The following ZFP91 variants were observed in gnomAD, a reference collection of about 807,000 sequenced individuals.
The protein encoded by ZFP91 is E3 ubiquitin-protein ligase ZFP91.
A neutral mutation model predicts 63.5 loss-of-function variants in ZFP91; 7 were observed. That is an observed-to-expected ratio of 0.11 (90% CI 0.06 to 0.21). The LOEUF is 0.21. Among genes scored for constraint, ZFP91 ranks in the 10% least tolerant of loss-of-function variants. The pLI is 1.00. For missense variants in ZFP91, 628 were observed against 736.6 expected (o/e 0.85, Z 1.71); for synonymous variants, 330 against 272.1 (o/e 1.21, Z -2.10).
chr11:58,586,966 A>G lies in ZFP91; in HGVS notation c.370+2082A>G, dbSNP rs374108637. Among the ~76,000 whole-genome samples the G allele has an allele frequency of 2.0e-4, 31 of 152,292 alleles. No individual in the cohort carries two copies. In the East Asian group the frequency reaches 3.7e-3, roughly 18 times the overall value. ...GTTTTTACTCTTATTTACTCAAACC[A>G]TCTAGAAATTGTATGCCTTCTTTGA... is the stretch of plus-strand genomic sequence containing the variant. On this transcript the variant is annotated intron_variant, in intron 2 of 10. Transcript: ENST00000316059.
intron 1 of ZFP91, among the ~76,000 whole-genome samples, chr11:58,581,448 C>T (rs1855114558): frequency 6.6e-6 from 1 of 152,194 alleles, no homozygotes; most frequent in African/African-American, 2.4e-5. Flanking sequence ...GCAACCTCCG[C>T]CTCCTGGCTT....
chr11:58,614,632 C>G (rs995828703), intron 9 of ZFP91, among the ~76,000 whole-genome samples: 1 of 152,054 alleles, frequency 6.6e-6, no homozygotes, highest in Admixed American at 6.6e-5. Context: ...TATATTATTG[C>G]TAATTAGTCT....
At chr11:58,594,435 A>G (rs1350424355) in intron 2 of ZFP91, among the ~76,000 whole-genome samples, 4 of 152,202 alleles carry the variant, frequency 2.6e-5, no homozygotes, top group Non-Finnish European at 5.9e-5. Flanking sequence ...TTTCAGAGAA[A>G]CCATCCTTTC....
chr11:58,612,897 C>T (rs375153605), intron 8 of ZFP91, 57 bp downstream of exon 8: 76 of 1,429,086 alleles, frequency 5.3e-5, no homozygotes, highest in Middle Eastern at 3.6e-4. Flanking sequence ...CTTGTTCTTG[C>T]ACCACGAGAC....
At chr11:58,600,062 G>A (rs538533529) in intron 2 of ZFP91, among the ~76,000 whole-genome samples, 3 of 152,066 alleles carry the variant, frequency 2.0e-5, no homozygotes, top group African/African-American at 4.8e-5. Flanking sequence ...GTTTTATGCC[G>A]GTAATACATT....
Position 58,579,237 on chromosome 11 carries a change from G to A in ZFP91, c.-45G>A. On this transcript the variant is annotated 5_prime_UTR_variant, in exon 1 of 11. Transcript: ENST00000316059. The stretch of plus-strand genomic sequence containing the variant: ...GAGCAGCGCCGAGGCCGCCGCCTCC[G>A]CCTCCGCCGCCTAGGACTAGGGGGT... 3 of 1,360,850 alleles carry A rather than the reference G, an allele frequency of 2.2e-6. No individual in the cohort carries two copies. Among genetic ancestry groups the A allele is most frequent in the African/African-American group, 1.6e-5 (1 of 64,072 alleles). 84.3% of individuals were successfully genotyped at this position (1,360,850 alleles called of 1,614,324 possible). A position where few individuals can be genotyped will look rare whatever the true frequency, so the allele number is the denominator to read the frequency against.
chr11:58,598,631 G>C (rs368830072), intron 2 of ZFP91, among the ~76,000 whole-genome samples: 1 of 151,998 alleles, frequency 6.6e-6, no homozygotes, highest in African/African-American at 2.4e-5. Flanking sequence ...TGTCTTTGAA[G>C]TACCACACAG....
chr11:58,612,151 T>C, intron 6 of ZFP91, 127 bp from the exon 7 acceptor site: 1 of 904,474 alleles, frequency 1.1e-6, no homozygotes, highest in Non-Finnish European at 1.7e-6. Context: ...TCTTTGACTT[T>C]ATGTATTCTT....
intron 7 of ZFP91, 50 bp from the exon 8 acceptor site, chr11:58,612,712 A>G (rs779287453): frequency 7.3e-7 from 1 of 1,366,844 alleles, no homozygotes; most frequent in East Asian, 2.4e-5. Flanking sequence ...CACTGTGCAG[A>G]GTACCACTTT....
At chr11:58,612,071 C>G (rs910664784) in intron 6 of ZFP91, 1 of 585,330 alleles carries the variant, frequency 1.7e-6, no homozygotes, top group Middle Eastern at 4.4e-4. Flanking sequence ...TATATTTAAT[C>G]TGTCTTACAG....
Position 58,612,857 on chromosome 11 carries a change from TATAA to T in ZFP91, c.987+18_987+21del, listed in dbSNP as rs1345614348. ...TATTTGCAGGTCAGTGAAGTTGTTA[TATAA>T]GAGCCTTTCAGGTTGTGTTCCATTA... On this transcript the variant is annotated intron_variant, in intron 8 of 10. Transcript: ENST00000316059. 1.2e-6 allele frequency: 2 copies of T among 1,602,474 alleles called. No homozygotes were observed. The highest frequency in any genetic ancestry group is 1.7e-6 in the Non-Finnish European group (2 of 1,174,386).
chr11:58,608,254 A>G (rs939234937), intron 2 of ZFP91, among the ~76,000 whole-genome samples: 3 of 151,960 alleles, frequency 2.0e-5, no homozygotes, highest in Admixed American at 1.3e-4. Context: ...TGTGAAACCA[A>G]TCCCTCTTTG....
chr11:58,604,129 C>G (rs148110433), intron 2 of ZFP91, among the ~76,000 whole-genome samples: 1 of 152,130 alleles, frequency 6.6e-6, no homozygotes, highest in South Asian at 2.1e-4. Flanking sequence ...AATTTTATCC[C>G]TCCAAAAATG....
chr11:58,599,562 T>C (rs946123471), intron 2 of ZFP91, among the ~76,000 whole-genome samples: 1 of 152,060 alleles, frequency 6.6e-6, no homozygotes, highest in Non-Finnish European at 1.5e-5. Context: ...GGTAATCTCA[T>C]GTGATTTTGA....
chr11:58,620,111 C>G lies in ZFP91; in HGVS notation c.*2405C>G, dbSNP rs1210061717. 2.0e-5 allele frequency: 3 copies of G among 152,180 alleles called. No individual in the cohort carries two copies. The highest frequency in any genetic ancestry group is 2.9e-5 in the Non-Finnish European group (2 of 68,022). 9.4% of individuals were successfully genotyped at this position (152,180 alleles called of 1,614,324 possible). A position where few individuals can be genotyped will look rare whatever the true frequency, so the allele number is the denominator to read the frequency against. ...GTTAGTTCTACTAATTAGAAACTTG[C>G]TGTACTTTTTCTTTTCTTTTAGGGG... On this transcript the variant is annotated 3_prime_UTR_variant, in exon 11 of 11. Coordinates refer to ENST00000316059, the MANE Select transcript of ZFP91 (RefSeq NM_053023.5).
intron 2 of ZFP91, among the ~76,000 whole-genome samples, chr11:58,601,268 C>T (rs1483826447): frequency 1.3e-5 from 2 of 152,182 alleles, no homozygotes; most frequent in African/African-American, 4.8e-5. Flanking sequence ...TGTTTACTGA[C>T]TCAGTTGTCT....
At position 58,593,863 on chromosome 11, in the gene ZFP91, A is replaced by G. The variant is rs529860841; in HGVS notation, c.370+8979A>G. Among the ~76,000 whole-genome samples, 3 of 152,230 alleles carry G rather than the reference A, an allele frequency of 2.0e-5. No individual in the cohort carries two copies. The South Asian group carries it at 6.2e-4, about 32-fold the overall frequency. On this transcript the variant is annotated intron_variant, in intron 2 of 10. Coordinates refer to ENST00000316059, the MANE Select transcript of ZFP91 (RefSeq NM_053023.5). ...AAATCTAGAATCCCAAATCCTTGGC[A>G]TCTCCCTCTATCCCTGTTAAGTTAT...
At chr11:58,592,569 G>A (rs1009431682) in intron 2 of ZFP91, among the ~76,000 whole-genome samples, 1 of 152,108 alleles carries the variant, frequency 6.6e-6, no homozygotes, top group Non-Finnish European at 1.5e-5. Context: ...AGTAAAATGC[G>A]CCAAGCACAG....
intron 2 of ZFP91, among the ~76,000 whole-genome samples, chr11:58,587,119 A>C (rs755574761): frequency 6.6e-5 from 10 of 152,216 alleles, no homozygotes; most frequent in Non-Finnish European, 1.3e-4. Context: ...GTTAAGTTGC[A>C]AAGTGCTACA....
Sources: gnomAD v4.1 joint callset for allele counts (sites outside exome capture counted in the v4.1 genomes callset) on GRCh38, gnomAD v4.1.1 for gene constraint, MANE v1.5 for transcripts, NCBI Gene and HGNC (gene_info 2026-07-23, HGNC 2026-07-21) for gene names.